The following AGBL4 variants were observed in gnomAD, a reference collection of about 807,000 sequenced individuals.
AGBL4 encodes cytosolic carboxypeptidase 6.
A neutral mutation model predicts 66.4 loss-of-function variants in AGBL4; 58 were observed. The ratio of observed to expected loss-of-function variants is 0.87; its 90% confidence interval spans 0.71 to 1.09. The LOEUF (loss-of-function observed/expected upper bound fraction) is 1.09, where lower values mean the gene tolerates loss of function less well. AGBL4 is among the 50% of genes least tolerant of loss of function. The pLI is 0.00. For synonymous variants in AGBL4, 234 were observed against 222.9 expected (o/e 1.05, Z -0.44); for missense variants, 579 against 631.0 (o/e 0.92, Z 0.88).
chr1:48,633,673 G>A (rs975893659), intron 9 of AGBL4, among the ~76,000 whole-genome samples: 9 of 152,104 alleles, frequency 5.9e-5, no homozygotes, highest in Admixed American at 5.2e-4. Flanking sequence ...CTGAAAAAAT[G>A]GTCTGTCCCC....
At chr1:49,109,987 AACAC>A (rs1052876317) in intron 4 of AGBL4, among the ~76,000 whole-genome samples, 1 of 152,152 alleles carries the variant, frequency 6.6e-6, no homozygotes, top group Non-Finnish European at 1.5e-5. Flanking sequence ...CTCCCCCATC[AACAC>A]ACACATTCTA....
intron 2 of AGBL4, among the ~76,000 whole-genome samples, chr1:49,801,893 C>G (rs1644869844): frequency 1.3e-5 from 2 of 152,226 alleles, no homozygotes; most frequent in Non-Finnish European, 2.9e-5. Flanking sequence ...TGTCATCCTT[C>G]TGGAGATAAA....
intron 1 of AGBL4, among the ~76,000 whole-genome samples, chr1:49,865,341 A>G (rs887944230): frequency 2.0e-5 from 3 of 152,100 alleles, no homozygotes; most frequent in African/African-American, 7.2e-5. Flanking sequence ...ATACAGGAAT[A>G]TTCCCTCTGG....
chr1:49,466,836 C>T (rs1030867808), intron 3 of AGBL4, among the ~76,000 whole-genome samples: 1 of 151,676 alleles, frequency 6.6e-6, no homozygotes, highest in Non-Finnish European at 1.5e-5. Flanking sequence ...AGCAGATTCA[C>T]CTGCATGTGT....
At chr1:49,351,152 G>A (rs1557861983) in intron 3 of AGBL4, among the ~76,000 whole-genome samples, 1 of 152,162 alleles carries the variant, frequency 6.6e-6, no homozygotes, top group Non-Finnish European at 1.5e-5. Flanking sequence ...GTCCATCTAA[G>A]TGGGTGCTGC....
intron 6 of AGBL4, among the ~76,000 whole-genome samples, chr1:48,800,077 C>T (rs1044053986): frequency 1.3e-5 from 2 of 151,964 alleles, no homozygotes; most frequent in African/African-American, 4.8e-5. Flanking sequence ...GGATTGGTAC[C>T]AATTCTTCTT....
At position 48,780,269 on chromosome 1, in the gene AGBL4, A is replaced by C. The variant is rs1570656848; in HGVS notation, c.634+86922T>G. 2.1e-5 allele frequency among the ~76,000 whole-genome samples: 3 copies of C among 146,048 alleles called. No homozygotes were observed. The East Asian group carries it at 6.1e-4, about 30-fold the overall frequency. On this transcript the variant is annotated intron_variant, in intron 6 of 13. Transcript: ENST00000371839. ...TCTCATTGTTCACCTCCCACTTATG[A>C]GAGAGAATAGGACACAAACAAATGA...
chr1:49,984,261 T>C (rs922063098), intron 1 of AGBL4, among the ~76,000 whole-genome samples: 14 of 152,188 alleles, frequency 9.2e-5, no homozygotes, highest in East Asian at 1.9e-4. Flanking sequence ...ACAGTTTTCA[T>C]TGGACAAGGG....
rs1344555214 is a variant in AGBL4 at position 49,879,699 on chromosome 1, C to G, written c.35-28181G>C. Reference sequence around the variant, plus strand: ...GTTCTCTGTATTTCCTGAATCTGAACGTTGGCCTGCCTTGCTAGATTGGGG... The same window carrying G: ...GTTCTCTGTATTTCCTGAATCTGAAGGTTGGCCTGCCTTGCTAGATTGGGG... On this transcript the variant is annotated intron_variant, in intron 1 of 13. Coordinates refer to ENST00000371839, the MANE Select transcript of AGBL4 (RefSeq NM_032785.4). Among the ~76,000 whole-genome samples, 3 of 127,748 alleles carry G rather than the reference C, an allele frequency of 2.3e-5. No homozygotes were observed. The East Asian group carries it at 6.4e-4, about 27-fold the overall frequency. 83.8% of individuals were successfully genotyped at this position (127,748 alleles called of 152,430 possible).
At chr1:48,773,308 T>C (rs1055860581) in intron 6 of AGBL4, among the ~76,000 whole-genome samples, 1 of 152,006 alleles carries the variant, frequency 6.6e-6, no homozygotes, top group African/African-American at 2.4e-5. Context: ...TGCAGTTAGA[T>C]GATGGTGAGC....
intron 3 of AGBL4, among the ~76,000 whole-genome samples, chr1:49,246,739 CT>C (rs1651670635): frequency 6.6e-6 from 1 of 151,866 alleles, no homozygotes; most frequent in African/African-American, 2.4e-5. Flanking sequence ...CTTCAAACCA[CT>C]GAAATAGTCC....
At chr1:49,255,944 A>T (rs1652455836) in intron 3 of AGBL4, among the ~76,000 whole-genome samples, 1 of 152,164 alleles carries the variant, frequency 6.6e-6, no homozygotes, top group Admixed American at 6.5e-5. Context: ...CTCACTTATA[A>T]GTGGGAGCTA....
chr1:49,940,458 C>G (rs1454835077), intron 1 of AGBL4, among the ~76,000 whole-genome samples: 4 of 152,130 alleles, frequency 2.6e-5, no homozygotes, highest in African/African-American at 9.7e-5. Flanking sequence ...ACCCAAATGT[C>G]CATCAATGAT....
At chr1:49,492,418 T>G (rs1229230709) in intron 3 of AGBL4, among the ~76,000 whole-genome samples, 5 of 151,952 alleles carry the variant, frequency 3.3e-5, no homozygotes, top group Admixed American at 2.0e-4. Context: ...AATTTTCCAC[T>G]TAATATTTCT....
intron 6 of AGBL4, among the ~76,000 whole-genome samples, chr1:48,664,899 T>G (rs1295950983): frequency 6.6e-6 from 1 of 152,184 alleles, no homozygotes; most frequent in Non-Finnish European, 1.5e-5. Flanking sequence ...GAGGTTGAAT[T>G]GAAGGATTTA....
At chr1:49,076,851 C>T (rs1314816083) in intron 4 of AGBL4, among the ~76,000 whole-genome samples, 2 of 152,152 alleles carry the variant, frequency 1.3e-5, no homozygotes, top group Non-Finnish European at 2.9e-5. Context: ...GCATTTGCCT[C>T]ATTCAGTGTC....
intron 6 of AGBL4, among the ~76,000 whole-genome samples, chr1:48,709,617 T>TATTATTATTATTA (rs55900245): frequency 6.7e-6 from 1 of 148,714 alleles, no homozygotes; most frequent in Non-Finnish European, 1.5e-5. Context: ...TTATTATTAT[T>TATTATTATTATTA]TTGAGATGGA....
At chr1:48,703,693 G>A (rs1238449950) in intron 6 of AGBL4, among the ~76,000 whole-genome samples, 4 of 152,132 alleles carry the variant, frequency 2.6e-5, no homozygotes, top group Non-Finnish European at 4.4e-5. Context: ...TGAACACACA[G>A]GTAGGAAAAC....
In AGBL4 at chr1:49,422,742, A is replaced by G. The variant is rs530160161; in HGVS notation, c.283-176878T>C. Among the ~76,000 whole-genome samples, 5 of 152,248 alleles carry G rather than the reference A, an allele frequency of 3.3e-5. No homozygotes were observed. In the South Asian group the frequency reaches 1.0e-3, roughly 32 times the overall value. On this transcript the variant is annotated intron_variant, in intron 3 of 13. Coordinates refer to ENST00000371839, the MANE Select transcript of AGBL4 (RefSeq NM_032785.4). ...TAAATATCCTTCAAAAATCAGTTTA[A>G]GTGTCACTTTCTTTAGGAAGCTATT... is the stretch of plus-strand genomic sequence containing the variant.
Sources: gnomAD v4.1 joint callset for allele counts (sites outside exome capture counted in the v4.1 genomes callset) on GRCh38, gnomAD v4.1.1 for gene constraint, MANE v1.5 for transcripts, NCBI Gene and HGNC (gene_info 2026-07-23, HGNC 2026-07-21) for gene names.